Variants in ZNF385B observed in about 807,000 individuals in gnomAD.
The protein encoded by ZNF385B is zinc finger protein 385B, also known as zinc finger protein 533.
A neutral mutation model predicts 39.2 loss-of-function variants in ZNF385B; 23 were observed. That is an observed-to-expected ratio of 0.59 (90% CI 0.42 to 0.83). The LOEUF is 0.83. Among genes scored for constraint, ZNF385B ranks in the 40% least tolerant of loss-of-function variants. ZNF385B has a pLI of 0.00. For synonymous variants in ZNF385B, 205 were observed against 222.6 expected (o/e 0.92, Z 0.70); for missense variants, 552 against 598.9 (o/e 0.92, Z 0.82).
At position 179,443,181 on chromosome 2, in the gene ZNF385B, A is replaced by G; in HGVS notation, c.*69T>C. 2 of 1,586,626 alleles carry G rather than the reference A, an allele frequency of 1.3e-6. No homozygotes were observed. Among genetic ancestry groups the G allele is most frequent in the South Asian group, 2.2e-5 (2 of 89,584 alleles). ...GGGTACTGCAACACAAACTGCTTAA[A>G]TTGCTGAATCCTTGTGGCTTTCTTT... On this transcript the variant is annotated 3_prime_UTR_variant, in exon 10 of 10. Coordinates refer to ENST00000410066, the MANE Select transcript of ZNF385B (RefSeq NM_152520.6).
At chr2:179,611,581 C>T (rs1474912923) in intron 3 of ZNF385B, among the ~76,000 whole-genome samples, 1 of 152,146 alleles carries the variant, frequency 6.6e-6, no homozygotes, top group Non-Finnish European at 1.5e-5. Flanking sequence ...AGTATTTCCT[C>T]CTCCTATTTG....
At chr2:179,729,044 C>G (rs1701204169) in intron 3 of ZNF385B, among the ~76,000 whole-genome samples, 1 of 148,562 alleles carries the variant, frequency 6.7e-6, no homozygotes, top group Non-Finnish European at 1.5e-5. Context: ...AAAAACACGA[C>G]TTCAAAGAAA....
Position 179,443,066 on chromosome 2 carries a change from C to T in ZNF385B, c.*184G>A. 1 of 693,098 alleles carries T rather than the reference C, an allele frequency of 1.4e-6. No homozygotes were observed. The highest frequency in any genetic ancestry group is 2.5e-6 in the Non-Finnish European group (1 of 394,920). 42.9% of individuals were successfully genotyped at this position (693,098 alleles called of 1,614,324 possible). A position where few individuals can be genotyped will look rare whatever the true frequency, so the allele number is the denominator to read the frequency against. ...GCTGCTGATTCCTCAATTATAGGAG[C>T]AGTCTCTAAAAGCCCTCGTCAATCT... On this transcript the variant is annotated 3_prime_UTR_variant, in exon 10 of 10. Coordinates refer to ENST00000410066, the MANE Select transcript of ZNF385B (RefSeq NM_152520.6).
intron 1 of ZNF385B, among the ~76,000 whole-genome samples, chr2:179,783,133 T>C (rs1320796760): frequency 6.6e-6 from 1 of 151,974 alleles, no homozygotes; most frequent in Non-Finnish European, 1.5e-5. Context: ...CAAAAACAGG[T>C]GCTTTGACCA....
chr2:179,623,493 C>T (rs930390903), intron 3 of ZNF385B, among the ~76,000 whole-genome samples: 6 of 152,110 alleles, frequency 3.9e-5, no homozygotes, highest in African/African-American at 1.2e-4. Context: ...TCCTCCACCC[C>T]GTGAATCCTG....
chr2:179,859,635 A>C (rs1002645439), intron 1 of ZNF385B, among the ~76,000 whole-genome samples: 1 of 152,236 alleles, frequency 6.6e-6, no homozygotes, highest in South Asian at 2.1e-4. Flanking sequence ...AGCTTCCTCA[A>C]ATCACTTTTG....
intron 3 of ZNF385B, among the ~76,000 whole-genome samples, chr2:179,560,644 CCT>C (rs928780705): frequency 2.8e-4 from 42 of 152,196 alleles, no homozygotes; most frequent in African/African-American, 9.9e-4. Context: ...TCTCATCTCT[CCT>C]GTTTCTCTCC....
chr2:179,772,403 T>C (rs1704063710), intron 1 of ZNF385B, among the ~76,000 whole-genome samples: 1 of 152,046 alleles, frequency 6.6e-6, no homozygotes, highest in African/African-American at 2.4e-5. Flanking sequence ...GGGGGTGGGG[T>C]ATGCATTCTG....
intron 3 of ZNF385B, among the ~76,000 whole-genome samples, chr2:179,682,294 A>G (rs1423166747): frequency 3.3e-5 from 5 of 152,054 alleles, no homozygotes; most frequent in Admixed American, 6.5e-5. Flanking sequence ...TTTATTTAAG[A>G]TCTTTCCCTC....
chr2:179,688,216 T>G (rs564921118), intron 3 of ZNF385B, among the ~76,000 whole-genome samples: 19 of 151,922 alleles, frequency 1.3e-4, no homozygotes, highest in Non-Finnish European at 2.4e-4. Flanking sequence ...TTGGGGACAA[T>G]TAGAGAAAAG....
chr2:179,575,312 A>G (rs1685684999), intron 3 of ZNF385B, among the ~76,000 whole-genome samples: 1 of 152,208 alleles, frequency 6.6e-6, no homozygotes, highest in Admixed American at 6.6e-5. Context: ...AGAAAAAAAT[A>G]AAAACAAGAT....
At chr2:179,528,173 C>T (rs1402451142) in intron 4 of ZNF385B, among the ~76,000 whole-genome samples, 1 of 152,228 alleles carries the variant, frequency 6.6e-6, no homozygotes, top group African/African-American at 2.4e-5. Flanking sequence ...AAGAGACACG[C>T]TCCTCAGCTT....
intron 3 of ZNF385B, among the ~76,000 whole-genome samples, chr2:179,558,110 G>T (rs189816461): frequency 6.6e-6 from 1 of 152,198 alleles, no homozygotes; most frequent in East Asian, 1.9e-4. Context: ...TATCTGAGAA[G>T]ACACATTTTT....
chr2:179,795,982 C>CT (rs1705638529), intron 1 of ZNF385B, among the ~76,000 whole-genome samples: 1 of 152,098 alleles, frequency 6.6e-6, no homozygotes, highest in African/African-American at 2.4e-5. Context: ...TTATTTCCCT[C>CT]TTTTTTCCAT....
intron 5 of ZNF385B, among the ~76,000 whole-genome samples, chr2:179,514,966 C>T (rs2057985702): frequency 1.3e-5 from 2 of 152,028 alleles, no homozygotes; most frequent in African/African-American, 2.4e-5. Flanking sequence ...TTAGTAGAGA[C>T]AGGGTTTCAC....
intron 3 of ZNF385B, among the ~76,000 whole-genome samples, chr2:179,685,676 G>C (rs565373912): frequency 2.3e-4 from 34 of 145,938 alleles, no homozygotes; most frequent in African/African-American, 8.8e-4. Context: ...CCCAGCACAG[G>C]GCCTGACACA....
chr2:179,722,061 C>A (rs1260314650), intron 3 of ZNF385B, among the ~76,000 whole-genome samples: 1 of 151,898 alleles, frequency 6.6e-6, no homozygotes, highest in Non-Finnish European at 1.5e-5. Flanking sequence ...TATGTATTAA[C>A]AATGATCAAT....
At chr2:179,659,057 G>A (rs899943927) in intron 3 of ZNF385B, among the ~76,000 whole-genome samples, 1 of 152,170 alleles carries the variant, frequency 6.6e-6, no homozygotes, top group Non-Finnish European at 1.5e-5. Flanking sequence ...GATTGCAGGC[G>A]CGAGCCACCA....
At chr2:179,564,125 C>T (rs1356004682) in intron 3 of ZNF385B, among the ~76,000 whole-genome samples, 2 of 152,142 alleles carry the variant, frequency 1.3e-5, no homozygotes, top group African/African-American at 2.4e-5. Flanking sequence ...TCTGAGGCCT[C>T]ACTCCAGATC....
Sources: allele counts gnomAD v4.1 joint callset (sites outside exome capture counted in the v4.1 genomes callset), GRCh38; gene constraint gnomAD v4.1.1; transcripts MANE v1.5; gene names NCBI Gene and HGNC (gene_info 2026-07-23, HGNC 2026-07-21).